Variants in ROBO2 observed in about 807,000 individuals in gnomAD.
ROBO2 encodes roundabout guidance receptor 2, also known as roundabout homolog 2.
Under a neutral mutation model 160.8 loss-of-function variants are expected in ROBO2, and 53 were observed. The ratio of observed to expected loss-of-function variants is 0.33; its 90% CI spans 0.26 to 0.41. The LOEUF (loss-of-function observed/expected upper bound fraction) is 0.41, where lower values mean the gene tolerates loss of function less well. Ranked by LOEUF, ROBO2 falls within the 10% of genes least tolerant of loss-of-function variation. ROBO2 has a pLI of 1.00. For missense variants in ROBO2, 1,577 were observed against 1,722.4 expected, an observed-to-expected ratio of 0.92 and a Z score of 1.49; for synonymous variants, 664 against 611.7, an observed-to-expected ratio of 1.09 and a Z score of -1.26.
chr3:76,447,854 G>A (rs1266920468), intron 2 of ROBO2, among the ~76,000 whole-genome samples: 2 of 139,842 alleles, frequency 1.4e-5, no homozygotes, highest in African/African-American at 5.3e-5. Context: ...AGAACACTTG[G>A]GCACAGGAAG....
chr3:76,740,931 A>C (rs1427437330), intron 2 of ROBO2, among the ~76,000 whole-genome samples: 1 of 152,070 alleles, frequency 6.6e-6, no homozygotes, highest in African/African-American at 2.4e-5. Context: ...TAATCAATTT[A>C]CTTGCCTTAT....
intron 2 of ROBO2, among the ~76,000 whole-genome samples, chr3:76,686,356 T>C (rs908529879): frequency 1.3e-5 from 2 of 152,074 alleles, no homozygotes; most frequent in African/African-American, 4.8e-5. Context: ...GTAATCTTCC[T>C]GCCAAATCAA....
chr3:76,679,335 T>G (rs1439836176), intron 2 of ROBO2, among the ~76,000 whole-genome samples: 1 of 152,234 alleles, frequency 6.6e-6, no homozygotes, highest in East Asian at 1.9e-4. Flanking sequence ...TCTTATAAGA[T>G]CTTATCTATT....
intron 2 of ROBO2, among the ~76,000 whole-genome samples, chr3:77,276,682 T>A (rs2059849111): frequency 6.6e-6 from 1 of 151,826 alleles, no homozygotes; most frequent in Admixed American, 6.6e-5. Flanking sequence ...GGCTCAGGAG[T>A]TCAAGACCAG....
At chr3:76,979,129 A>C (rs1340275539) in intron 2 of ROBO2, among the ~76,000 whole-genome samples, 2 of 151,768 alleles carry the variant, frequency 1.3e-5, no homozygotes, top group African/African-American at 4.8e-5. Flanking sequence ...TTTTTTGTGG[A>C]AGTGGGGTTA....
chr3:77,542,041 A>T (rs775766), intron 6 of ROBO2, among the ~76,000 whole-genome samples: 1 of 152,140 alleles, frequency 6.6e-6, no homozygotes, highest in East Asian at 1.9e-4. Flanking sequence ...AAAATGCCAC[A>T]TCTGTCTACT....
chr3:77,196,615 G>A (rs1317626033), intron 2 of ROBO2, among the ~76,000 whole-genome samples: 1 of 151,852 alleles, frequency 6.6e-6, no homozygotes, highest in East Asian at 1.9e-4. Flanking sequence ...CATTGTGGCA[G>A]TTCAAGGGCA....
Position 76,256,792 on chromosome 3 carries a change from G to T in ROBO2, c.109+319190G>T, listed in dbSNP as rs149663926. On this transcript the variant is annotated intron_variant, in intron 2 of 26. Coordinates refer to the ROBO2 transcript ENST00000487694. The stretch of plus-strand genomic sequence containing the variant: ...AGAAAAAGAGATTTAATTGGCTCAT[G>T]GTTCTGCAGGCTTCATAGGAAGCAT... Among the ~76,000 whole-genome samples, 250 of 152,146 alleles carry T rather than the reference G, an allele frequency of 1.6e-3. 1 individual carries two copies. The highest frequency in any genetic ancestry group is 5.8e-3 in the African/African-American group (241 of 41,534).
chr3:76,198,637 G>T (rs1235727553), intron 2 of ROBO2, among the ~76,000 whole-genome samples: 2 of 152,056 alleles, frequency 1.3e-5, no homozygotes, highest in African/African-American at 2.4e-5. Flanking sequence ...CCTTTTAAAG[G>T]TCTGAATAAG....
chr3:76,165,282 G>A (rs925673057), intron 2 of ROBO2, among the ~76,000 whole-genome samples: 4 of 151,764 alleles, frequency 2.6e-5, no homozygotes, highest in African/African-American at 4.8e-5. Context: ...TTCACCTTGC[G>A]TTTTTATGTT....
intron 2 of ROBO2, among the ~76,000 whole-genome samples, chr3:76,171,869 AGG>A (rs1259997177): frequency 1.3e-5 from 2 of 152,088 alleles, no homozygotes; most frequent in Non-Finnish European, 1.5e-5. Context: ...CCAGAAAGTG[AGG>A]TGTAAACTCA....
chr3:77,222,488 A>G (rs2085953941), intron 2 of ROBO2, among the ~76,000 whole-genome samples: 1 of 152,146 alleles, frequency 6.6e-6, no homozygotes, highest in East Asian at 1.9e-4. Context: ...TTTAAATGGA[A>G]ACTTATTTTT....
chr3:75,982,647 C>T (rs920299162), intron 2 of ROBO2, among the ~76,000 whole-genome samples: 1 of 151,622 alleles, frequency 6.6e-6, no homozygotes, highest in African/African-American at 2.4e-5. Flanking sequence ...TTCTGTCTTA[C>T]ATTTGTGATT....
Position 76,368,071 on chromosome 3 carries a change from A to C in ROBO2, c.109+430469A>C, listed in dbSNP as rs185026094. Among the ~76,000 whole-genome samples, 33 of 152,076 alleles carry C rather than the reference A, an allele frequency of 2.2e-4. No homozygotes were observed. The East Asian group carries it at 5.4e-3, about 25-fold the overall frequency. ...TAAAATAGTCATATATTACTATTGA[A>C]TGAAACAAAATCAAATACTGAAAAA... On this transcript the variant is annotated intron_variant, in intron 2 of 26. Transcript: ENST00000487694.
chr3:76,549,197 A>C (rs1294270676), intron 2 of ROBO2, among the ~76,000 whole-genome samples: 4 of 152,092 alleles, frequency 2.6e-5, no homozygotes, highest in Admixed American at 6.6e-5. Flanking sequence ...TTTATTTTTA[A>C]GTTTTAAAAA....
chr3:76,888,462 A>G (rs914964085), intron 2 of ROBO2, among the ~76,000 whole-genome samples: 3 of 152,166 alleles, frequency 2.0e-5, no homozygotes, highest in African/African-American at 7.2e-5. Flanking sequence ...CTTGCTTACT[A>G]TAAATAGGAA....
At chr3:77,436,755 G>T (rs1363942207) in intron 2 of ROBO2, among the ~76,000 whole-genome samples, 1 of 151,638 alleles carries the variant, frequency 6.6e-6, no homozygotes, top group Non-Finnish European at 1.5e-5. Flanking sequence ...TGTATATTTG[G>T]GATTTCCTTA....
intron 2 of ROBO2, among the ~76,000 whole-genome samples, chr3:76,582,961 A>G (rs965872718): frequency 3.9e-5 from 6 of 152,008 alleles, no homozygotes; most frequent in Admixed American, 3.3e-4. Context: ...CTAAAATGTC[A>G]AGAAGAGTCA....
intron 23 of ROBO2, 61 bp downstream of exon 24, chr3:77,622,493 G>A: frequency 7.5e-7 from 1 of 1,337,836 alleles, no homozygotes; most frequent in Admixed American, 1.8e-5. Context: ...TGCATCAAAA[G>A]TCAACTACTT....
Sources: allele counts gnomAD v4.1 joint callset (sites outside exome capture counted in the v4.1 genomes callset), GRCh38; gene constraint gnomAD v4.1.1; transcripts MANE v1.5; gene names NCBI Gene and HGNC (gene_info 2026-07-23, HGNC 2026-07-21).